The following MREG variants were observed in gnomAD, a reference collection of about 807,000 sequenced individuals.
MREG encodes the protein melanoregulin.
A neutral mutation model predicts 28.5 loss-of-function variants in MREG; 31 were observed. That is an observed-to-expected ratio of 1.09 (90% CI 0.82 to 1.47). The LOEUF (loss-of-function observed/expected upper bound fraction) is 1.47, where lower values mean the gene tolerates loss of function less well. MREG is among the 40% of genes most tolerant of loss of function. The probability of loss-of-function intolerance (pLI) is 0.00; values close to 1 mark genes in which losing one functional copy is unlikely to be tolerated. For missense variants in MREG, 256 were observed against 257.4 expected, an observed-to-expected ratio of 0.99 and a Z score of 0.04; for synonymous variants, 106 against 95.2, an observed-to-expected ratio of 1.11 and a Z score of -0.66.
chr2:215,939,996 T>C (rs761461867), downstream of MREG, among the ~76,000 whole-genome samples: 7 of 152,230 alleles, frequency 4.6e-5, no homozygotes, highest in Non-Finnish European at 8.8e-5. Context: ...CTAATTCTAT[T>C]CTCTCCAAAT....
intron 2 of MREG, among the ~76,000 whole-genome samples, chr2:215,964,578 C>T (rs1307719689): frequency 1.3e-5 from 2 of 152,060 alleles, no homozygotes; most frequent in East Asian, 1.9e-4. Context: ...GGCATAATAT[C>T]CACCCTATAA....
At chr2:216,014,137 CT>C (rs1057285802), upstream of MREG, among the ~76,000 whole-genome samples, 2 of 152,028 alleles carry the variant, frequency 1.3e-5, no homozygotes, top group African/African-American at 4.8e-5. Context: ...CTGCACCTGG[CT>C]TTTTTGACTC....
intron 1 of MREG, among the ~76,000 whole-genome samples, chr2:216,000,339 C>T (rs1693985047): frequency 6.6e-6 from 1 of 152,116 alleles, no homozygotes; most frequent in Non-Finnish European, 1.5e-5. Flanking sequence ...GACAGGGATG[C>T]ACTCACAGTG....
At chr2:216,025,080 T>C (rs984811199) in intron 1 of MREG, among the ~76,000 whole-genome samples, 1 of 152,232 alleles carries the variant, frequency 6.6e-6, no homozygotes, top group African/African-American at 2.4e-5. Context: ...TCATGATTCC[T>C]GGCACTGTGA....
rs1210285426 is a variant in MREG at position 216,013,238 on chromosome 2, G to C, written c.90C>G (p.Leu30=). The change falls in exon 1 of 5, where the codon CTC becomes CTG. Residue 30 remains leucine, a synonymous_variant. Transcript: ENST00000263268. ...EERALPEKEP[L]VSDNNPYSSF... ...GGCCCGGGCGGCGCACCCACCTGAC[G>C]AGGGGCTCCTTCTCAGGCAGGGCGC... 1.3e-6 allele frequency: 2 copies of C among 1,549,182 alleles called. No homozygotes were observed. Among genetic ancestry groups the C allele is most frequent in the Admixed American group, 3.9e-5 (2 of 50,968 alleles).
chr2:216,031,986 G>A (rs953346469), intron 1 of MREG, among the ~76,000 whole-genome samples: 7 of 152,154 alleles, frequency 4.6e-5, no homozygotes, highest in Admixed American at 3.9e-4. Flanking sequence ...ACCAGAAATA[G>A]GCTGTTCCTC....
Position 215,943,713 on chromosome 2 carries a change from C to T in MREG, c.*1150G>A, listed in dbSNP as rs1692240045. The stretch of plus-strand genomic sequence containing the variant: ...AAAATTAGCCAGGTGTGGTGGCACG[C>T]GCCTGTAGTTCCAGCTACTCCAGAG... On this transcript the variant is annotated 3_prime_UTR_variant, in exon 5 of 5. Transcript: ENST00000263268. The T allele has an allele frequency of 6.0e-6, 2 of 331,208 alleles. No individual in the cohort carries two copies. Among genetic ancestry groups the T allele is most frequent in the South Asian group, 2.4e-5 (1 of 41,516 alleles). The allele number at this position is 331,208 out of a possible 1,614,324, so 20.5% of individuals were successfully genotyped here.
intron 1 of MREG, among the ~76,000 whole-genome samples, chr2:216,020,728 G>A (rs1694507313): frequency 6.6e-6 from 1 of 152,240 alleles, no homozygotes; most frequent in East Asian, 1.9e-4. Context: ...GCGATGCACT[G>A]TTTCAAGCAT....
Position 215,979,654 on chromosome 2 carries a change from C to T in MREG, c.255+16652G>A, listed in dbSNP as rs1693365811. ...GGCACTACTGAGAAAAGTCACTTAA[C>T]CTCTTGGGTCTCTCACTCACTCTTT... On this transcript the variant is annotated intron_variant, in intron 2 of 4. Transcript: ENST00000263268. Among the ~76,000 whole-genome samples the T allele has an allele frequency of 2.0e-5, 3 of 151,902 alleles. No homozygotes were observed. In the South Asian group the frequency reaches 6.2e-4, roughly 31 times the overall value.
chr2:215,955,451 A>G (rs548862288), intron 2 of MREG, among the ~76,000 whole-genome samples: 1 of 152,354 alleles, frequency 6.6e-6, no homozygotes, highest in Non-Finnish European at 1.5e-5. Flanking sequence ...CAACTCAAAC[A>G]GCAAACTAAA....
At position 215,995,184 on chromosome 2, in the gene MREG, G is replaced by C. The variant is rs1012594311; in HGVS notation, c.255+1122C>G. Among the ~76,000 whole-genome samples, 5 of 152,136 alleles carry C rather than the reference G, an allele frequency of 3.3e-5. No individual in the cohort carries two copies. In the East Asian group the frequency reaches 7.7e-4, roughly 23 times the overall value. ...CCCATCACAGAGGGGATTTTGCTGG[G>C]GACATGGGCAGCCAGAGGTAGTGGG... On this transcript the variant is annotated intron_variant, in intron 2 of 4. Transcript: ENST00000263268.
At chr2:215,941,900 G>A (rs1354227588), downstream of MREG, among the ~76,000 whole-genome samples, 7 of 152,186 alleles carry the variant, frequency 4.6e-5, no homozygotes, top group Admixed American at 2.6e-4. Context: ...ACTGCCATTG[G>A]GCCTCTGTTC....
At chr2:215,945,815 A>C in intron 3 of MREG, 81 bp from the exon 4 acceptor site, 1 of 1,228,398 alleles carries the variant, frequency 8.1e-7, no homozygotes, top group Non-Finnish European at 1.1e-6. Flanking sequence ...GCAGGAGATT[A>C]CGAACAGACC....
At chr2:215,967,256 T>C (rs1692967312) in intron 2 of MREG, among the ~76,000 whole-genome samples, 2 of 152,186 alleles carry the variant, frequency 1.3e-5, no homozygotes, top group Non-Finnish European at 2.9e-5. Context: ...TGCCTCTTTG[T>C]CAACATGATA....
rs1390546607 is a variant in MREG at position 215,943,431 on chromosome 2, G to A, written c.*1432C>T. 6.6e-6 allele frequency: 3 copies of A among 456,756 alleles called. No individual in the cohort carries two copies. Among genetic ancestry groups the A allele is most frequent in the Middle Eastern group, 6.5e-4 (2 of 3,076 alleles). 28.3% of individuals were successfully genotyped at this position (456,756 alleles called of 1,614,324 possible). On this transcript the variant is annotated 3_prime_UTR_variant, in exon 5 of 5. Transcript: ENST00000263268. ...ATACTCCCTGCATATGTGCAAGTCTGCATGAGAGGTCCCCCCACAGGTGCA... is the reference window on the plus strand; with the variant it reads ...ATACTCCCTGCATATGTGCAAGTCTACATGAGAGGTCCCCCCACAGGTGCA...
intron 3 of MREG, among the ~76,000 whole-genome samples, chr2:215,946,456 G>T (rs574616479): frequency 3.3e-4 from 1 of 3,014 alleles, no homozygotes; most frequent in East Asian, 0.071. Flanking sequence ...ATTGAAGCAG[G>T]ATTATATAAT....
At chr2:215,979,075 A>G (rs1470790876) in intron 2 of MREG, among the ~76,000 whole-genome samples, 2 of 152,220 alleles carry the variant, frequency 1.3e-5, no homozygotes, top group African/African-American at 2.4e-5. Flanking sequence ...ACAATCACAC[A>G]TTGGAGTTTT....
chr2:215,956,131 T>C (rs1389938977), intron 2 of MREG, among the ~76,000 whole-genome samples: 1 of 152,168 alleles, frequency 6.6e-6, no homozygotes, highest in Non-Finnish European at 1.5e-5. Context: ...ATCCTACTTT[T>C]AGGTCGAAAA....
At chr2:215,956,731 G>A (rs1420550900) in intron 2 of MREG, among the ~76,000 whole-genome samples, 1 of 152,014 alleles carries the variant, frequency 6.6e-6, no homozygotes, top group Non-Finnish European at 1.5e-5. Context: ...GTAGAGATGA[G>A]GTCTCACTAT....
Sources: allele counts gnomAD v4.1 joint callset (sites outside exome capture counted in the v4.1 genomes callset), GRCh38; gene constraint gnomAD v4.1.1; transcripts MANE v1.5; gene names NCBI Gene and HGNC (gene_info 2026-07-23, HGNC 2026-07-21).